Variants in SEPSECS observed in about 807,000 individuals in gnomAD.
The protein encoded by SEPSECS is O-phosphoseryl-tRNA(Sec) selenium transferase.
In SEPSECS, 42 loss-of-function variants were observed where a neutral mutation model predicts 52.1. The observed-to-expected ratio is 0.81, with a 90% confidence interval of 0.63 to 1.04. SEPSECS has a LOEUF of 1.04. Among genes scored for constraint, SEPSECS ranks in the 50% least tolerant of loss-of-function variants. The pLI is 0.00. For synonymous variants in SEPSECS, 216 were observed against 211.4 expected, an observed-to-expected ratio of 1.02 and a Z score of -0.19; for missense variants, 590 against 610.6, an observed-to-expected ratio of 0.97 and a Z score of 0.36.
intron 1 of SEPSECS, 121 bp from the exon 2 acceptor site, chr4:25,159,228 C>T: frequency 1.2e-6 from 1 of 867,928 alleles, no homozygotes; most frequent in Non-Finnish European, 1.7e-6. Context: ...TTCTAAAATT[C>T]AAGCATAAAT....
intron 8 of SEPSECS, among the ~76,000 whole-genome samples, chr4:25,132,574 T>C (rs956828514): frequency 1.3e-5 from 2 of 152,222 alleles, no homozygotes; most frequent in Admixed American, 1.3e-4. Context: ...GAAACCTGCC[T>C]ACTAAATGAA....
intron 8 of SEPSECS, among the ~76,000 whole-genome samples, chr4:25,130,311 T>C (rs1728560390): frequency 1.3e-5 from 2 of 152,234 alleles, no homozygotes; most frequent in South Asian, 4.1e-4. Context: ...AGAAAATGTT[T>C]CCTAAATAAC....
At chr4:25,159,361 G>A (rs573401406) in intron 1 of SEPSECS, 154 of 461,500 alleles carry the variant, frequency 3.3e-4, no homozygotes, top group Non-Finnish European at 4.3e-4. Flanking sequence ...TTAAATTTCC[G>A]TAAGTGAAAC....
At chr4:25,160,192 G>A in intron 1 of SEPSECS, 64 bp downstream of exon 1, 2 of 1,543,548 alleles carry the variant, frequency 1.3e-6, no homozygotes, top group African/African-American at 1.4e-5. Flanking sequence ...CACCAGCGGG[G>A]ACGCCCGGCG....
intron 8 of SEPSECS, among the ~76,000 whole-genome samples, chr4:25,143,122 G>A (rs1224842892): frequency 2.0e-5 from 3 of 152,106 alleles, no homozygotes; most frequent in African/African-American, 4.8e-5. Context: ...AACAATCTAC[G>A]ACCATGAATG....
Position 25,160,433 on chromosome 4 carries a change from G to A in SEPSECS, c.-64C>T, listed in dbSNP as rs974671143. 27 of 1,358,090 alleles carry A rather than the reference G, an allele frequency of 2.0e-5. No homozygotes were observed. The highest frequency in any genetic ancestry group is 2.7e-5 in the Non-Finnish European group (27 of 984,456). The allele number at this position is 1,358,090 out of a possible 1,614,324, so 84.1% of individuals were successfully genotyped here. ...AGCTCCACACGCCAGACACACGACG[G>A]AACCAGAATGCAACTCGCCGCCTGG... On this transcript the variant is annotated 5_prime_UTR_variant, in exon 1 of 11. Transcript: ENST00000382103.
chr4:25,154,747 A>G (rs936305216), intron 5 of SEPSECS, among the ~76,000 whole-genome samples: 16 of 152,214 alleles, frequency 1.1e-4, no homozygotes, highest in Admixed American at 8.5e-4. Flanking sequence ...GCAAGAAAAC[A>G]GAGACGGTCT....
intron 8 of SEPSECS, among the ~76,000 whole-genome samples, chr4:25,144,326 C>CAAAAA (rs34160695): frequency 1.2e-5 from 1 of 83,816 alleles, no homozygotes. Context: ...AGACTCCGCT[C>CAAAAA]AAAAAAAAAA....
Position 25,152,072 on chromosome 4 carries a change from T to C in SEPSECS, c.702-10A>G, listed in dbSNP as rs765483091. 81 of 1,414,418 alleles carry C rather than the reference T, an allele frequency of 5.7e-5. 3 individuals are homozygous for C. In the South Asian group the frequency reaches 9.3e-4, roughly 16 times the overall value. The allele number at this position is 1,414,418 out of a possible 1,614,324, so 87.6% of individuals were successfully genotyped here. A position where few individuals can be genotyped will look rare whatever the true frequency, so the allele number is the denominator to read the frequency against. On this transcript the variant is annotated splice_polypyrimidine_tract_variant and intron_variant, in intron 5 of 10. Transcript: ENST00000382103. ...AGCCAGTTCTTCTAATCTATAAACA[T>C]AAATATTCAATAGAAAGACATACTC...
rs11373679 is a variant in SEPSECS, at chr4:25,140,918, GA to G, written c.1026+3855del. Among the ~76,000 whole-genome samples the G allele has an allele frequency of 2.8e-4, 41 of 146,948 alleles. 1 individual carries two copies. Among genetic ancestry groups the G allele is most frequent in the East Asian group, 8.0e-4 (4 of 4,990 alleles). Reference sequence around the variant, plus strand: ...AACCAAGTGTGGATTGAAAATATTTGAAAAAAAAAAAAAATTGCATCTGTGC... The same window carrying G: ...AACCAAGTGTGGATTGAAAATATTTGAAAAAAAAAAAAATTGCATCTGTGC... On this transcript the variant is annotated intron_variant, in intron 8 of 10. Coordinates refer to ENST00000382103, the MANE Select transcript of SEPSECS (RefSeq NM_016955.4).
chr4:25,135,666 A>C (rs761939592), intron 8 of SEPSECS, among the ~76,000 whole-genome samples: 2 of 152,174 alleles, frequency 1.3e-5, no homozygotes, highest in Non-Finnish European at 2.9e-5. Flanking sequence ...ATTCCAAACA[A>C]TTGAAAAGGA....
Position 25,125,743 on chromosome 4 carries a change from C to T in SEPSECS, c.1162G>A (p.Val388Ile). ...AAAAGCATCGAGCCAAGCTGAGTGA[C>T]AGCTTTGTCACGGTGTTCATCTAGT... ...KTLDEHRDKA[V>I]TQLGSMLFTR... Residue 388 changes from valine to isoleucine, a missense_variant, in exon 10 of 11, where the codon GTC becomes ATC. Val to Ile is a conservative substitution (Grantham distance 29). Transcript: ENST00000382103. The T allele has an allele frequency of 6.2e-7, 1 of 1,613,204 alleles. No individual in the cohort carries two copies. The highest frequency in any genetic ancestry group is 8.5e-7 in the Non-Finnish European group (1 of 1,179,502).
intron 8 of SEPSECS, 116 bp from the exon 9 acceptor site, chr4:25,127,473 T>G: frequency 1.4e-6 from 1 of 740,242 alleles, no homozygotes; most frequent in Non-Finnish European, 2.4e-6. Context: ...CCATGTGCCT[T>G]AAGACCAATT....
intron 8 of SEPSECS, among the ~76,000 whole-genome samples, chr4:25,142,869 T>C (rs541222037): frequency 2.6e-5 from 4 of 152,220 alleles, no homozygotes; most frequent in Non-Finnish European, 5.9e-5. Context: ...TTTTAAGAAA[T>C]ATTCTAGAGT....
chr4:25,133,202 G>A (rs1048562256), intron 8 of SEPSECS, among the ~76,000 whole-genome samples: 1 of 152,112 alleles, frequency 6.6e-6, no homozygotes, highest in African/African-American at 2.4e-5. Context: ...ATAATACACT[G>A]TAGCTATAAT....
chr4:25,159,208 G>A (rs1170909888), intron 1 of SEPSECS, 101 bp from the exon 2 acceptor site: 4 of 1,026,452 alleles, frequency 3.9e-6, no homozygotes, highest in South Asian at 3.5e-5. Flanking sequence ...ATTTTGCCAC[G>A]CTGCTTGTTT....
chr4:25,150,780 A>T (rs371234483), intron 6 of SEPSECS, among the ~76,000 whole-genome samples: 24 of 152,236 alleles, frequency 1.6e-4, no homozygotes, highest in African/African-American at 5.8e-4. Flanking sequence ...CCGAGGTGGG[A>T]GGCTGGCTTG....
intron 8 of SEPSECS, among the ~76,000 whole-genome samples, chr4:25,130,942 T>C (rs1560323256): frequency 6.6e-6 from 1 of 152,202 alleles, no homozygotes; most frequent in Non-Finnish European, 1.5e-5. Flanking sequence ...TATAGAAAGA[T>C]CTTACTTAAA....
chr4:25,142,274 C>T (rs1470968536), intron 8 of SEPSECS, among the ~76,000 whole-genome samples: 1 of 151,354 alleles, frequency 6.6e-6, no homozygotes, highest in East Asian at 1.9e-4. Context: ...GAGACTCCAT[C>T]TCAAAAAAAA....
Sources: allele counts gnomAD v4.1 joint callset (sites outside exome capture counted in the v4.1 genomes callset), GRCh38; gene constraint gnomAD v4.1.1; transcripts MANE v1.5; gene names NCBI Gene and HGNC (gene_info 2026-07-23, HGNC 2026-07-21).